The following SHANK2 variants were observed in gnomAD, a reference collection of about 807,000 sequenced individuals.
SHANK2 encodes SH3 and multiple ankyrin repeat domains 2.
Under a neutral mutation model 133.7 loss-of-function variants are expected in SHANK2, and 43 were observed. That is an observed-to-expected ratio of 0.32 (90% CI 0.25 to 0.41). SHANK2 has a LOEUF of 0.41. Ranked by LOEUF, SHANK2 falls within the 10% of genes least tolerant of loss-of-function variation. The pLI, the probability that SHANK2 is intolerant of heterozygous loss-of-function variation, is 1.00. For missense variants in SHANK2, 1,994 were observed against 2,235.8 expected, an observed-to-expected ratio of 0.89 and a Z score of 2.18; for synonymous variants, 1,017 against 952.8, an observed-to-expected ratio of 1.07 and a Z score of -1.24.
intron 10 of SHANK2, among the ~76,000 whole-genome samples, chr11:70,933,765 C>T (rs1237763442): frequency 1.3e-5 from 2 of 151,386 alleles, no homozygotes; most frequent in African/African-American, 4.9e-5. Context: ...ACTAAAAATA[C>T]AAAAGTTAGC....
chr11:70,874,674 T>TAAAAAAAAA (rs34587004), intron 11 of SHANK2, among the ~76,000 whole-genome samples: 1 of 114,218 alleles, frequency 8.8e-6, no homozygotes, highest in African/African-American at 3.4e-5. Context: ...CTGCATTTAC[T>TAAAAAAAAA]AAAAAAAAAA....
chr11:71,160,262 C>T (rs181172028), intron 2 of SHANK2, among the ~76,000 whole-genome samples: 2 of 152,262 alleles, frequency 1.3e-5, no homozygotes, highest in African/African-American at 4.8e-5. Flanking sequence ...TCTGTCATCC[C>T]CCCTTAAAGC....
chr11:70,632,350 C>T (rs1399770498), intron 17 of SHANK2, among the ~76,000 whole-genome samples: 1 of 151,974 alleles, frequency 6.6e-6, no homozygotes, highest in East Asian at 1.9e-4. Context: ...TGGTCTCGAT[C>T]TCCTGACCTC....
intron 17 of SHANK2, among the ~76,000 whole-genome samples, chr11:70,540,620 C>T (rs1013509207): frequency 7.9e-5 from 12 of 152,102 alleles, no homozygotes; most frequent in Non-Finnish European, 1.8e-4. Flanking sequence ...AGGGCTGCAT[C>T]TTTATAGTTT....
intron 17 of SHANK2, among the ~76,000 whole-genome samples, chr11:70,545,924 G>C (rs1332955632): frequency 1.3e-5 from 2 of 152,016 alleles, no homozygotes; most frequent in Non-Finnish European, 2.9e-5. Flanking sequence ...CACAATACTC[G>C]GGAACATGCA....
chr11:70,502,222 C>T lies in SHANK2; in HGVS notation c.2262G>A (p.Ser754=), dbSNP rs145157706. The T allele has an allele frequency of 3.1e-5, 48 of 1,557,734 alleles. No individual in the cohort carries two copies. The highest frequency in any genetic ancestry group is 1.2e-4 in the African/African-American group (9 of 73,960). ...GCGACTTACCGAGCTCCTCCAGCTC[C>T]GAGGTCATGGACTTGGAGCGCAGGG... The part of the protein sequence containing the change: ...ALTLRSKSMT[S]ELEELVDKAS... Residue 754 remains serine (S), a synonymous_variant, in exon 19 of 26, where the codon TCG becomes TCA. Coordinates refer to ENST00000601538, the MANE Select transcript of SHANK2 (RefSeq NM_012309.5).
At chr11:70,794,448 A>G (rs973246748) in intron 14 of SHANK2, among the ~76,000 whole-genome samples, 3 of 152,188 alleles carry the variant, frequency 2.0e-5, no homozygotes, top group Non-Finnish European at 4.4e-5. Context: ...TCTATGGTCT[A>G]TGGTGACAGA....
At chr11:70,798,381 G>C in intron 14 of SHANK2, 62 bp downstream of exon 14, 1 of 711,314 alleles carries the variant, frequency 1.4e-6, no homozygotes. Context: ...GGACAACACC[G>C]ACCACGGGCC....
chr11:70,479,782 A>C lies in SHANK2; in HGVS notation c.4979+5532T>G, dbSNP rs1555151041. ...AACATCAGATTTATCTGGCTTTACT[A>C]TCGGCGCCTGGTATGTGTCAGTATC... is the stretch of plus-strand genomic sequence containing the variant. On this transcript the variant is annotated intron_variant, in intron 25 of 25. Transcript: ENST00000601538. This position sits in a 1 kb window ranked among gnomAD's most constrained non-coding sequence, Gnocchi z 4.4. Among the ~76,000 whole-genome samples the C allele has an allele frequency of 2.0e-5, 3 of 152,234 alleles. No homozygotes were observed. In the East Asian group the frequency reaches 5.8e-4, roughly 29 times the overall value.
intron 10 of SHANK2, among the ~76,000 whole-genome samples, chr11:70,943,580 G>A (rs777948431): frequency 1.3e-5 from 2 of 152,146 alleles, no homozygotes; most frequent in Non-Finnish European, 2.9e-5. Flanking sequence ...CAGGGACAGG[G>A]GCTGAGGAGG....
Position 71,102,842 on chromosome 11 carries a change from C to T in SHANK2, c.592+7099G>A, listed in dbSNP as rs1385002824. On this transcript the variant is annotated intron_variant, in intron 6 of 25. Transcript: ENST00000601538. ...CTGGTGACTCAGTGACTGGCCCAGA[C>T]TGGGCTGTGGTAACAAGATCCCAGA... Among the ~76,000 whole-genome samples the T allele has an allele frequency of 2.6e-5, 4 of 152,372 alleles. No homozygotes were observed. In the East Asian group the frequency reaches 7.7e-4, roughly 29 times the overall value.
intron 3 of SHANK2, among the ~76,000 whole-genome samples, chr11:71,133,468 G>GGAGA (rs1952372316): frequency 2.0e-5 from 3 of 151,494 alleles, no homozygotes; most frequent in South Asian, 2.1e-4. Context: ...AGGGAGGGAG[G>GGAGA]GAGAGAGAGA....
intron 17 of SHANK2, among the ~76,000 whole-genome samples, chr11:70,627,276 G>T (rs1337167229): frequency 6.6e-6 from 1 of 152,294 alleles, no homozygotes; most frequent in East Asian, 1.9e-4. Context: ...GTCACTCCAG[G>T]AAAGATGAAG....
chr11:71,097,998 CTGTGTGTGCATGTGTGCCTA>C (rs1230300313), intron 6 of SHANK2, among the ~76,000 whole-genome samples: 2 of 145,654 alleles, frequency 1.4e-5, no homozygotes, highest in African/African-American at 2.6e-5. Context: ...ATGTGCATGC[CTGTGTGTGCATGTGTGCCTA>C]TGTGTGTGCA....
At chr11:70,870,537 G>A (rs1289501959) in intron 11 of SHANK2, among the ~76,000 whole-genome samples, 1 of 152,178 alleles carries the variant, frequency 6.6e-6, no homozygotes, top group African/African-American at 2.4e-5. Flanking sequence ...GAAACCACAG[G>A]GATGAATTGT....
At chr11:70,642,151 G>T (rs1227559135) in intron 17 of SHANK2, among the ~76,000 whole-genome samples, 2 of 152,234 alleles carry the variant, frequency 1.3e-5, no homozygotes, top group Non-Finnish European at 2.9e-5. Context: ...TTTGCCCGCA[G>T]GGTCTCTTTA....
chr11:70,864,421 C>T (rs1324833352), intron 11 of SHANK2: 2 of 152,706 alleles, frequency 1.3e-5, no homozygotes, highest in African/African-American at 2.4e-5. Context: ...CGGGGACTTC[C>T]CCATTAAGTC....
At chr11:70,802,891 A>C (rs921083037) in intron 13 of SHANK2, among the ~76,000 whole-genome samples, 27 of 152,336 alleles carry the variant, frequency 1.8e-4, no homozygotes, top group African/African-American at 5.8e-4. Context: ...GGCCTCACCC[A>C]TGGCCACGAA....
chr11:70,519,905 ATTTTTTTTTTTTTTTT>A (rs781977357), intron 17 of SHANK2, among the ~76,000 whole-genome samples: 6 of 121,478 alleles, frequency 4.9e-5, no homozygotes, highest in Admixed American at 8.5e-5. Context: ...ACCATGCCTA[ATTTTTTTTTTTTTTTT>A]TTTTTTTTTA....
Sources: gnomAD v4.1 joint callset for allele counts (sites outside exome capture counted in the v4.1 genomes callset) on GRCh38, gnomAD v4.1.1 for gene constraint, Gnocchi (gnomAD v3.1) non-coding constraint, MANE v1.5 for transcripts, NCBI Gene and HGNC (gene_info 2026-07-23, HGNC 2026-07-21) for gene names.